Variants in WDR47 observed in about 807,000 individuals in gnomAD.
WDR47 encodes WD repeat domain 47, also known as WD repeat-containing protein 47.
A neutral mutation model predicts 97.2 loss-of-function variants in WDR47; 32 were observed. The ratio of observed to expected loss-of-function variants is 0.33; its 90% confidence interval spans 0.25 to 0.44. The LOEUF is 0.44. WDR47 is among the 20% of genes least tolerant of loss of function. The probability of loss-of-function intolerance (pLI) is 1.00; values close to 1 mark genes in which losing one functional copy is unlikely to be tolerated. For synonymous variants in WDR47, 375 were observed against 373.5 expected (o/e 1.00, Z -0.05); for missense variants, 782 against 1,102.3 (o/e 0.71, Z 4.11).
At chr1:109,020,802 A>G (rs1661778232) in intron 2 of WDR47, among the ~76,000 whole-genome samples, 1 of 151,354 alleles carries the variant, frequency 6.6e-6, no homozygotes, top group African/African-American at 2.4e-5. Context: ...GTTTAAATAG[A>G]GTCCCCTAAT....
intron 1 of WDR47, among the ~76,000 whole-genome samples, chr1:109,029,485 C>T (rs1299758061): frequency 6.6e-6 from 1 of 151,968 alleles, no homozygotes; most frequent in East Asian, 1.9e-4. Flanking sequence ...CATGATAAAA[C>T]CCTGTCTCTA....
chr1:108,998,245 G>A (rs367924624), intron 7 of WDR47, among the ~76,000 whole-genome samples: 26 of 152,270 alleles, frequency 1.7e-4, no homozygotes, highest in African/African-American at 4.6e-4. Flanking sequence ...GCTCATGTCC[G>A]TAATCCTAGC....
Position 109,001,017 on chromosome 1 carries a change from G to A in WDR47, c.1433+1207C>T, listed in dbSNP as rs540965443. 4.6e-5 allele frequency among the ~76,000 whole-genome samples: 7 copies of A among 151,236 alleles called. No individual in the cohort carries two copies. The South Asian group carries it at 8.4e-4, about 18-fold the overall frequency. On this transcript the variant is annotated intron_variant, in intron 7 of 14. Coordinates refer to ENST00000369962, the MANE Select transcript of WDR47 (RefSeq NM_001142551.2). ...ATTCTAAACACACATACATAAGACC[G>A]GGTGTGGTGGCTCACACCCGTAATC...
At chr1:108,980,915 TAGG>T (rs1658288379) in intron 13 of WDR47, among the ~76,000 whole-genome samples, 4 of 151,498 alleles carry the variant, frequency 2.6e-5, no homozygotes, top group Admixed American at 6.6e-5. Context: ...ATCATGAGGA[TAGG>T]AGATCAAGAC....
Position 109,032,530 on chromosome 1 carries a change from T to C in WDR47, c.-9-9009A>G, listed in dbSNP as rs1421819296. Reference sequence around the variant, plus strand: ...CAAAAAAAAAAAAAAAAGATTTTCTTACTCAAGCTGCTCAATTAAGTCATG... The same window carrying C: ...CAAAAAAAAAAAAAAAAGATTTTCTCACTCAAGCTGCTCAATTAAGTCATG... On this transcript the variant is annotated intron_variant, in intron 1 of 14. Coordinates refer to ENST00000369962, the MANE Select transcript of WDR47 (RefSeq NM_001142551.2). Among the ~76,000 whole-genome samples the C allele has an allele frequency of 1.3e-5, 2 of 150,096 alleles. 1 individual carries two copies. The highest frequency in any genetic ancestry group is 3.0e-5 in the Non-Finnish European group (2 of 67,538).
At chr1:108,987,815 C>T (rs1473012267) in intron 9 of WDR47, among the ~76,000 whole-genome samples, 1 of 151,988 alleles carries the variant, frequency 6.6e-6, no homozygotes, top group Non-Finnish European at 1.5e-5. Flanking sequence ...GTTTTTCTGA[C>T]AGCAGTCTCC....
At chr1:109,000,532 C>T (rs1194389727) in intron 7 of WDR47, among the ~76,000 whole-genome samples, 2 of 134,046 alleles carry the variant, frequency 1.5e-5, no homozygotes, top group Admixed American at 1.5e-4. Context: ...AAAAAAAGGC[C>T]AGGCGTGGTG....
At chr1:109,037,117 G>A (rs1663009190) in intron 1 of WDR47, among the ~76,000 whole-genome samples, 1 of 147,410 alleles carries the variant, frequency 6.8e-6, no homozygotes, top group Non-Finnish European at 1.5e-5. Flanking sequence ...ATCACCTGAG[G>A]TTGGGAGTTC....
At chr1:108,975,110 G>A (rs1408705982) in intron 13 of WDR47, among the ~76,000 whole-genome samples, 1 of 152,002 alleles carries the variant, frequency 6.6e-6, no homozygotes, top group Non-Finnish European at 1.5e-5. Context: ...ACCCAGCTAA[G>A]AGTGTAGTTA....
chr1:108,974,653 T>C lies in WDR47; in HGVS notation c.2500A>G (p.Met834Val). ...GAATGAGGATGATAACTTTGTACCATTCTTCCTCCTCTTATGTCATACAAC... is the reference window on the plus strand; with the variant it reads ...GAATGAGGATGATAACTTTGTACCACTCTTCCTCCTCTTATGTCATACAAC... The part of the protein sequence containing the change: ...CMLYDIRGGR[M>V]VQSYHPHSSD... Residue 834 changes from methionine to valine, a missense_variant, in exon 14 of 15, where the codon ATG becomes GTG. Met to Val is a conservative substitution (Grantham distance 21, BLOSUM62 1). Coordinates refer to ENST00000369962, the MANE Select transcript of WDR47 (RefSeq NM_001142551.2). 2.5e-6 allele frequency: 4 copies of C among 1,614,122 alleles called. No homozygotes were observed. Among genetic ancestry groups the C allele is most frequent in the Non-Finnish European group, 1.7e-6 (2 of 1,180,006 alleles).
intron 8 of WDR47, among the ~76,000 whole-genome samples, chr1:108,994,348 G>C (rs1659593946): frequency 6.6e-6 from 1 of 152,152 alleles, no homozygotes; most frequent in Non-Finnish European, 1.5e-5. Context: ...AGTGAGCTGA[G>C]ATTACACCAC....
At chr1:108,998,572 G>C (rs931478333) in intron 7 of WDR47, among the ~76,000 whole-genome samples, 1 of 152,092 alleles carries the variant, frequency 6.6e-6, no homozygotes, top group Admixed American at 6.6e-5. Flanking sequence ...GGAAGAGGCT[G>C]AATACGCCTA....
At chr1:108,977,373 C>T (rs1174413670) in intron 13 of WDR47, among the ~76,000 whole-genome samples, 3 of 151,932 alleles carry the variant, frequency 2.0e-5, no homozygotes, top group African/African-American at 7.3e-5. Flanking sequence ...AGACTGGTCT[C>T]GAGCTCCTGA....
intron 1 of WDR47, among the ~76,000 whole-genome samples, chr1:109,029,764 C>T (rs1378397130): frequency 2.7e-5 from 4 of 150,530 alleles, no homozygotes; most frequent in Non-Finnish European, 5.9e-5. Flanking sequence ...CTAATCCCAG[C>T]TACTCGAGAG....
At chr1:108,979,434 G>A (rs1180411406) in intron 13 of WDR47, among the ~76,000 whole-genome samples, 2 of 152,196 alleles carry the variant, frequency 1.3e-5, no homozygotes, top group African/African-American at 4.8e-5. Flanking sequence ...GCTAAGGCGG[G>A]AGGATGGCTT....
chr1:109,001,156 G>A (rs1412052565), intron 7 of WDR47, among the ~76,000 whole-genome samples: 3 of 152,014 alleles, frequency 2.0e-5, no homozygotes, highest in Admixed American at 6.6e-5. Context: ...AGGTGTGGTG[G>A]CACACGCCTA....
chr1:108,986,328 T>C (rs1658803646), intron 10 of WDR47, among the ~76,000 whole-genome samples, 195 bp downstream of exon 10: 2 of 152,142 alleles, frequency 1.3e-5, no homozygotes, highest in African/African-American at 4.8e-5. Context: ...ATGAAAAAAT[T>C]ATGAAGTTAA....
intron 1 of WDR47, among the ~76,000 whole-genome samples, chr1:109,039,255 T>C (rs995772162): frequency 1.2e-4 from 16 of 136,470 alleles, no homozygotes; most frequent in Non-Finnish European, 2.1e-4. Context: ...GTATAAATCC[T>C]TTTTTTTTTT....
chr1:109,035,537 G>A (rs1215093147), intron 1 of WDR47, among the ~76,000 whole-genome samples: 3 of 141,912 alleles, frequency 2.1e-5, no homozygotes, highest in Non-Finnish European at 4.5e-5. Context: ...TTACTCTGTC[G>A]CCCAGGCTGG....
Sources: allele counts gnomAD v4.1 joint callset (sites outside exome capture counted in the v4.1 genomes callset), GRCh38; gene constraint gnomAD v4.1.1; transcripts MANE v1.5; gene names NCBI Gene and HGNC (gene_info 2026-07-23, HGNC 2026-07-21).